The following RPS14 variants were observed in gnomAD, a reference collection of about 807,000 sequenced individuals.
RPS14 encodes the protein small ribosomal subunit protein uS11.
RPS14 carries 1 observed loss-of-function variant against 15.4 expected under a neutral mutation model. That is an observed-to-expected ratio of 0.07 (90% confidence interval 0.02 to 0.31). The LOEUF is 0.31. Among genes scored for constraint, RPS14 ranks in the 10% least tolerant of loss-of-function variants. The pLI is 1.00. For missense variants in RPS14, 69 were observed against 205.5 expected (o/e 0.34, Z 4.06); for synonymous variants, 68 against 74.4 (o/e 0.91, Z 0.44).
At chr5:150,448,418 A>G (rs1305038669) in intron 1 of RPS14, 1 of 152,200 alleles carries the variant, frequency 6.6e-6, no homozygotes, top group Non-Finnish European at 1.5e-5. Context: ...CCTTCATAAT[A>G]ATTGCAATCA....
intron 4 of RPS14, chr5:150,444,717 A>C: frequency 4.3e-6 from 2 of 469,726 alleles, no homozygotes; most frequent in South Asian, 3.2e-5. Flanking sequence ...ACTGAAAAAA[A>C]GTCTGAAAAA....
chr5:150,447,501 G>C, intron 2 of RPS14, 84 bp downstream of exon 2: 1 of 1,334,904 alleles, frequency 7.5e-7, no homozygotes, highest in Non-Finnish European at 1.1e-6. Flanking sequence ...TCTTTAGAGA[G>C]AATCCCCTGA....
chr5:150,449,713 T>C lies in RPS14; in HGVS notation c.-13A>G, dbSNP rs917582909. On this transcript the variant is annotated 5_prime_UTR_variant, in exon 1 of 5. Coordinates refer to ENST00000407193, the MANE Select transcript of RPS14 (RefSeq NM_005617.4). ...GCCCGGGCCTCCTACCTGCACGTCGTCTCCAGACTCCACACCGGAAAGAGA... is the reference window on the plus strand; with the variant it reads ...GCCCGGGCCTCCTACCTGCACGTCGCCTCCAGACTCCACACCGGAAAGAGA... The C allele has an allele frequency of 2.0e-5, 3 of 152,030 alleles. No individual in the cohort carries two copies. The highest frequency in any genetic ancestry group is 2.9e-5 in the Non-Finnish European group (2 of 68,102). 9.4% of individuals were successfully genotyped at this position (152,030 alleles called of 1,614,324 possible). A position where few individuals can be genotyped will look rare whatever the true frequency, so the allele number is the denominator to read the frequency against.
In RPS14 at chr5:150,446,934, A is replaced by T; in HGVS notation, c.179T>A (p.Met60Lys). 6.2e-7 allele frequency: 1 copy of T among 1,614,142 alleles called. No homozygotes were observed. The highest frequency in any genetic ancestry group is 8.5e-7 in the Non-Finnish European group (1 of 1,180,024). Residue 60 changes from methionine to lysine, a missense_variant, in exon 3 of 5, where the codon ATG becomes AAG. By Grantham distance (95) the Met-to-Lys change is moderately conservative (BLOSUM62 -1). Coordinates refer to ENST00000407193, the MANE Select transcript of RPS14 (RefSeq NM_005617.4). The surrounding 1 kb of genome is among the most constrained non-coding windows in gnomAD (Gnocchi z 4.2). ...KETICRVTGG[M>K]KVKADRDESS... ...TTCATCTCGGTCTGCCTTTACCTTC[A>T]TCCCACCAGTCACACGGCAGATGGT... is the stretch of plus-strand genomic sequence containing the variant.
In RPS14 at chr5:150,445,603, A is replaced by C; in HGVS notation, c.388+6T>G. ...ACCCAAGCATTAGCTAGAGGGGGGC[A>C]CTTACCAATCCGCCCGATCTTCATA... On this transcript the variant is annotated splice_donor_region_variant and intron_variant, in intron 4 of 4. Coordinates refer to ENST00000407193, the MANE Select transcript of RPS14 (RefSeq NM_005617.4). 1 of 1,613,158 alleles carries C rather than the reference A, an allele frequency of 6.2e-7. No individual in the cohort carries two copies.
rs1771007116 is a variant in RPS14, at chr5:150,443,734, C to G, written c.*552G>C. ...CATGCAAGCTTCCGGAAAGCAAGAA[C>G]TTTTCTTTTTTATCGCTGATGAAAA... On this transcript the variant is annotated 3_prime_UTR_variant, in exon 5 of 5. Transcript: ENST00000407193. 6.6e-6 allele frequency: 1 copy of G among 152,200 alleles called. No individual in the cohort carries two copies. Among genetic ancestry groups the G allele is most frequent in the Non-Finnish European group, 1.5e-5 (1 of 68,068 alleles). 9.4% of individuals were successfully genotyped at this position (152,200 alleles called of 1,614,324 possible).
chr5:150,444,264 A>G lies in RPS14; in HGVS notation c.*22T>C. Reference sequence around the variant, plus strand: ...TTACATGAAGGCAATTTATTAACAGAAAATATTTTGAGGAATCTTGTTCAC... The same window carrying G: ...TTACATGAAGGCAATTTATTAACAGGAAATATTTTGAGGAATCTTGTTCAC... On this transcript the variant is annotated 3_prime_UTR_variant, in exon 5 of 5. Transcript: ENST00000407193. 1 of 1,602,316 alleles carries G rather than the reference A, an allele frequency of 6.2e-7. No individual in the cohort carries two copies.
In RPS14 at chr5:150,442,872, A is replaced by AT. The variant is rs1487479524; in HGVS notation, c.*1413dup. ...TGCCACCATGCCCAGCTAATTTTTTATTTTTTGTAGAGACGGGGTCTCCCT... is the reference window on the plus strand; with the variant it reads ...TGCCACCATGCCCAGCTAATTTTTTATTTTTTTGTAGAGACGGGGTCTCCCT... On this transcript the variant is annotated 3_prime_UTR_variant, in exon 5 of 5. Coordinates refer to ENST00000407193, the MANE Select transcript of RPS14 (RefSeq NM_005617.4). 1 of 151,826 alleles carries AT rather than the reference A, an allele frequency of 6.6e-6. No individual in the cohort carries two copies. The highest frequency in any genetic ancestry group is 2.4e-5 in the African/African-American group (1 of 41,260). 9.4% of individuals were successfully genotyped at this position (151,826 alleles called of 1,614,324 possible).
At chr5:150,447,891 TTC>T (rs1289679873) in intron 1 of RPS14, 156 bp from the exon 2 acceptor site, 2 of 802,446 alleles carry the variant, frequency 2.5e-6, no homozygotes, top group African/African-American at 3.5e-5. Flanking sequence ...TCACTAAAAC[TTC>T]TTTCTCCTTG....
intron 4 of RPS14, among the ~76,000 whole-genome samples, chr5:150,445,066 T>G (rs1175114846): frequency 6.6e-6 from 1 of 152,324 alleles, no homozygotes; most frequent in Admixed American, 6.5e-5. Context: ...GTAGGAACTT[T>G]GGCCTGGGGC....
intron 2 of RPS14, 42 bp from the exon 3 acceptor site, chr5:150,447,005 A>G: frequency 6.2e-7 from 1 of 1,607,280 alleles, no homozygotes; most frequent in Non-Finnish European, 8.5e-7. Context: ...TCGTCCAACA[A>G]GGAGTGCTTA....
rs537167440 is a variant in RPS14, at chr5:150,444,268, T to A, written c.*18A>T. 1.9e-6 allele frequency: 3 copies of A among 1,600,494 alleles called. No individual in the cohort carries two copies. In the Admixed American group the frequency reaches 5.1e-5, roughly 27 times the overall value. On this transcript the variant is annotated 3_prime_UTR_variant, in exon 5 of 5. Transcript: ENST00000407193. ...ATGAAGGCAATTTATTAACAGAAAA[T>A]ATTTTGAGGAATCTTGTTCACAGAC...
At chr5:150,447,153 T>A in intron 2 of RPS14, 190 bp from the exon 3 acceptor site, 4 of 605,716 alleles carry the variant, frequency 6.6e-6, no homozygotes. Context: ...ATTTTATATA[T>A]CTACTTTTGC....
chr5:150,444,745 G>GC (rs36146597), intron 4 of RPS14: 109,411 of 439,878 alleles, frequency 0.25, 15,608 homozygotes, highest in South Asian at 0.38. Flanking sequence ...AAGGCTGGGC[G>GC]CGGTGGCTCA....
At position 150,443,502 on chromosome 5, in the gene RPS14, C is replaced by T. The variant is rs1770999883; in HGVS notation, c.*784G>A. 1 of 152,266 alleles carries T rather than the reference C, an allele frequency of 6.6e-6. No individual in the cohort carries two copies. The highest frequency in any genetic ancestry group is 1.5e-5 in the Non-Finnish European group (1 of 68,090). The allele number at this position is 152,266 out of a possible 1,614,324, so 9.4% of individuals were successfully genotyped here. Reference sequence around the variant, plus strand: ...AAGCAGCATCCCAACAGATTTTCCCCTCTTGCTGGTTTCTTTCCTCTACAA... The same window carrying T: ...AAGCAGCATCCCAACAGATTTTCCCTTCTTGCTGGTTTCTTTCCTCTACAA... On this transcript the variant is annotated 3_prime_UTR_variant, in exon 5 of 5. Coordinates refer to ENST00000407193, the MANE Select transcript of RPS14 (RefSeq NM_005617.4).
In RPS14 at chr5:150,442,849, C is replaced by G. The variant is rs1770976037; in HGVS notation, c.*1437G>C. The G allele has an allele frequency of 1.3e-5, 2 of 152,184 alleles. No homozygotes were observed. Among genetic ancestry groups the G allele is most frequent in the Non-Finnish European group, 1.5e-5 (1 of 68,064 alleles). 9.4% of individuals were successfully genotyped at this position (152,184 alleles called of 1,614,324 possible). A position where few individuals can be genotyped will look rare whatever the true frequency, so the allele number is the denominator to read the frequency against. The stretch of plus-strand genomic sequence containing the variant: ...AAGTAGCTGGCAGTACAGACGTGTG[C>G]CACCATGCCCAGCTAATTTTTTATT... On this transcript the variant is annotated 3_prime_UTR_variant, in exon 5 of 5. Transcript: ENST00000407193.
chr5:150,449,473 G>C (rs1771206435), intron 1 of RPS14: 2 of 151,800 alleles, frequency 1.3e-5, no homozygotes, highest in African/African-American at 4.9e-5. Flanking sequence ...TAAAAGGCTG[G>C]ACCCGCACTC....
rs561299737 is a variant in RPS14 at position 150,446,042 on chromosome 5, AGAT to A, written c.312-360_312-358del. Reference sequence around the variant, plus strand: ...GAAAGCCAGAGACTGCAGTAAGCTGAGATAGCGCCACTGCACTCCAGCCTGGGT... The same window carrying A: ...GAAAGCCAGAGACTGCAGTAAGCTGAAGCGCCACTGCACTCCAGCCTGGGT... On this transcript the variant is annotated intron_variant, in intron 3 of 4. Coordinates refer to ENST00000407193, the MANE Select transcript of RPS14 (RefSeq NM_005617.4). The surrounding 1 kb of genome is among the most constrained non-coding windows in gnomAD (Gnocchi z 4.2). 4.3e-4 allele frequency among the ~76,000 whole-genome samples: 66 copies of A among 152,036 alleles called. No homozygotes were observed. The highest frequency in any genetic ancestry group is 1.5e-3 in the African/African-American group (62 of 41,466).
intron 4 of RPS14, 75 bp from the exon 5 acceptor site, chr5:150,444,428 C>A: frequency 8.2e-7 from 1 of 1,221,352 alleles, no homozygotes; most frequent in South Asian, 1.3e-5. Flanking sequence ...AGACCAATGG[C>A]CTAACCAATC....
Sources: allele counts gnomAD v4.1 joint callset (sites outside exome capture counted in the v4.1 genomes callset), GRCh38; gene constraint gnomAD v4.1.1; non-coding constraint Gnocchi (gnomAD v3.1); transcripts MANE v1.5; gene names NCBI Gene and HGNC (gene_info 2026-07-23, HGNC 2026-07-21).